The following CLYBL variants were observed in gnomAD, a reference collection of about 807,000 sequenced individuals.
The protein encoded by CLYBL is citramalyl-CoA lyase.
CLYBL carries 31 observed loss-of-function variants against 38.9 expected under a neutral mutation model. That is an observed-to-expected ratio of 0.80 (90% CI 0.60 to 1.08). The LOEUF is 1.08. Ranked by LOEUF, CLYBL falls within the 50% of genes least tolerant of loss-of-function variation. CLYBL has a pLI of 0.00. For synonymous variants in CLYBL, 171 were observed against 158.6 expected (o/e 1.08, Z -0.59); for missense variants, 434 against 411.6 (o/e 1.05, Z -0.47).
intron 2 of CLYBL, among the ~76,000 whole-genome samples, chr13:99,853,877 T>A (rs185366391): frequency 1.7e-3 from 262 of 152,370 alleles, no homozygotes; most frequent in African/African-American, 5.9e-3. Context: ...ACATTTTCAA[T>A]AAGATTTTCA....
chr13:99,838,697 G>A lies in CLYBL; in HGVS notation c.250-20164G>A, dbSNP rs529739335. Among the ~76,000 whole-genome samples the A allele has an allele frequency of 3.3e-5, 5 of 152,160 alleles. No individual in the cohort carries two copies. The East Asian group carries it at 5.8e-4, about 18-fold the overall frequency. ...GTCACCCAGGCTGGAGTGCAGTGGC[G>A]CAATCTTGGCTCACTGCAAGCTCCG... On this transcript the variant is annotated intron_variant, in intron 2 of 8. Coordinates refer to ENST00000339105, the MANE Select transcript of CLYBL (RefSeq NM_206808.5).
intron 2 of CLYBL, among the ~76,000 whole-genome samples, chr13:99,806,392 C>T (rs2050233278): frequency 6.6e-6 from 1 of 152,046 alleles, no homozygotes; most frequent in Non-Finnish European, 1.5e-5. Flanking sequence ...GCATGGTTTC[C>T]ATATGCTTAG....
At chr13:99,714,541 G>C (rs754240445) in intron 1 of CLYBL, among the ~76,000 whole-genome samples, 1 of 151,944 alleles carries the variant, frequency 6.6e-6, no homozygotes, top group African/African-American at 2.4e-5. Flanking sequence ...TGCTTGAACC[G>C]GGGAGGTAGA....
chr13:99,859,126 C>A, intron 3 of CLYBL, 77 bp downstream of exon 3: 1 of 1,229,240 alleles, frequency 8.1e-7, no homozygotes, highest in Non-Finnish European at 1.1e-6. Flanking sequence ...CTGGGTGCCA[C>A]AGGTTTGGAA....
chr13:99,866,356 G>A lies in CLYBL; in HGVS notation c.751G>A (p.Gly251Arg). ...IDLVYIDFRD[G>R]AGLLRQSREG... ...TCTGGTGTACATTGACTTTCGAGAT[G>A]GAGCTGGGCTGCTTAGACAGTCACG... Residue 251 changes from glycine to arginine, a missense_variant, in exon 6 of 9, where the codon GGA becomes AGA. By Grantham distance (125) the Gly-to-Arg change is moderately radical. Coordinates refer to ENST00000339105, the MANE Select transcript of CLYBL (RefSeq NM_206808.5). 6.2e-7 allele frequency: 1 copy of A among 1,614,172 alleles called. No individual in the cohort carries two copies. The highest frequency in any genetic ancestry group is 8.5e-7 in the Non-Finnish European group (1 of 1,180,026).
At chr13:99,633,013 G>A (rs926969529) in intron 1 of CLYBL, among the ~76,000 whole-genome samples, 5 of 152,064 alleles carry the variant, frequency 3.3e-5, no homozygotes, top group African/African-American at 1.2e-4. Context: ...GCCCAGGTGG[G>A]TGGATCACTT....
At chr13:99,897,374 T>G (rs371599949), downstream of CLYBL, among the ~76,000 whole-genome samples, 9 of 152,262 alleles carry the variant, frequency 5.9e-5, no homozygotes, top group East Asian at 1.2e-3. Flanking sequence ...TCCTCAAGAT[T>G]AGGGCTGAAT....
chr13:99,681,461 GGAGA>G (rs1356975906), intron 1 of CLYBL, among the ~76,000 whole-genome samples: 1 of 152,032 alleles, frequency 6.6e-6, no homozygotes, highest in Non-Finnish European at 1.5e-5. Flanking sequence ...TTATACATAT[GGAGA>G]GAGAGAGACC....
At position 99,891,342 on chromosome 13, in the gene CLYBL, A is replaced by G. The variant is rs766644861; in HGVS notation, c.952A>G (p.Met318Val). Residue 318 changes from methionine (M) to valine (V), a missense_variant, in exon 8 of 9, where the codon ATG becomes GTG. Coordinates refer to ENST00000339105, the MANE Select transcript of CLYBL (RefSeq NM_206808.5). ...GKGAFTFQGS[M>V]IDMPLLKQAQ... ...GGGGGCCTTTACTTTCCAAGGGAGT[A>G]TGATCGACATGCCATTACTGAAGCA... 4.3e-6 allele frequency: 7 copies of G among 1,613,784 alleles called. No individual in the cohort carries two copies. In the South Asian group the frequency reaches 7.7e-5, roughly 18 times the overall value.
intron 1 of CLYBL, among the ~76,000 whole-genome samples, chr13:99,707,798 C>T (rs531092862): frequency 1.3e-5 from 2 of 152,216 alleles, no homozygotes; most frequent in East Asian, 3.9e-4. Flanking sequence ...ATCTCATTTC[C>T]CTTACATTTG....
chr13:99,834,725 T>TA (rs925894849), intron 2 of CLYBL, among the ~76,000 whole-genome samples: 5 of 152,224 alleles, frequency 3.3e-5, no homozygotes, highest in Non-Finnish European at 5.9e-5. Context: ...AGCCTGATGA[T>TA]AAGTCAGTCT....
downstream of CLYBL, chr13:99,893,950 A>C: frequency 6.6e-6 from 1 of 152,416 alleles, no homozygotes; most frequent in Non-Finnish European, 1.5e-5. Context: ...GTCTCCCCAA[A>C]TGTCCAGTTC....
At chr13:99,832,995 C>CAT in intron 2 of CLYBL, among the ~76,000 whole-genome samples, 1 of 46,092 alleles carries the variant, frequency 2.2e-5, no homozygotes, top group Non-Finnish European at 4.3e-5. Context: ...GTAGTATATA[C>CAT]ATACATACAT....
Position 99,778,819 on chromosome 13 carries a change from A to T in CLYBL, c.249+5809A>T, listed in dbSNP as rs183848733. On this transcript the variant is annotated intron_variant, in intron 2 of 8. Transcript: ENST00000339105. The stretch of plus-strand genomic sequence containing the variant: ...TCCATGACACTGGGTGAGGCCAAGA[A>T]AGTAGGCACTGAGGAGGAAGAGGCA... Among the ~76,000 whole-genome samples the T allele has an allele frequency of 5.2e-3, 794 of 152,350 alleles. 47 individuals carry two copies. The East Asian group carries it at 0.13, about 24-fold the overall frequency.
chr13:99,877,571 CTTTTTTTTTTT>C (rs561372911), intron 7 of CLYBL: 4 of 214,922 alleles, frequency 1.9e-5, no homozygotes, highest in East Asian at 1.9e-4. Context: ...TTTTGTAATT[CTTTTTTTTTTT>C]TTTTTTTTTT....
At chr13:99,625,883 T>G (rs2046862519) in intron 1 of CLYBL, among the ~76,000 whole-genome samples, 1 of 152,234 alleles carries the variant, frequency 6.6e-6, no homozygotes, top group Non-Finnish European at 1.5e-5. Flanking sequence ...CTGAGGATCT[T>G]TGCTGTGCCA....
intron 1 of CLYBL, among the ~76,000 whole-genome samples, chr13:99,648,470 C>G (rs912069188): frequency 7.2e-5 from 11 of 152,140 alleles, no homozygotes. Flanking sequence ...CCTGCTAGCC[C>G]TGGTTTTTTG....
intron 1 of CLYBL, among the ~76,000 whole-genome samples, chr13:99,734,831 C>A (rs368756668): frequency 1.3e-5 from 2 of 152,044 alleles, no homozygotes. Flanking sequence ...GCTGTTCCCC[C>A]CAAAAGATTT....
chr13:99,698,612 G>A (rs924647774), intron 1 of CLYBL, among the ~76,000 whole-genome samples: 2 of 152,062 alleles, frequency 1.3e-5, no homozygotes, highest in African/African-American at 4.8e-5. Flanking sequence ...AGGGGCATGC[G>A]GTGACAAGGG....
Sources: gnomAD v4.1 joint callset for allele counts (sites outside exome capture counted in the v4.1 genomes callset) on GRCh38, gnomAD v4.1.1 for gene constraint, MANE v1.5 for transcripts, NCBI Gene and HGNC (gene_info 2026-07-23, HGNC 2026-07-21) for gene names.